The following GPR137B variants were observed in gnomAD, a reference collection of about 807,000 sequenced individuals.
GPR137B encodes G protein-coupled receptor 137B.
GPR137B carries 42 observed loss-of-function variants against 42.5 expected under a neutral mutation model. The ratio of observed to expected loss-of-function variants is 0.99; its 90% CI spans 0.77 to 1.28. GPR137B has a LOEUF of 1.28. Among genes scored for constraint, GPR137B ranks in the 50% most tolerant of loss-of-function variants. The probability of loss-of-function intolerance (pLI) is 0.00; values close to 1 mark genes in which losing one functional copy is unlikely to be tolerated. For missense variants in GPR137B, 487 were observed against 493.9 expected, an observed-to-expected ratio of 0.99 and a Z score of 0.13; for synonymous variants, 218 against 209.7, an observed-to-expected ratio of 1.04 and a Z score of -0.34.
chr1:236,172,075 G>C (rs1191060080), intron 2 of GPR137B, among the ~76,000 whole-genome samples: 1 of 151,854 alleles, frequency 6.6e-6, no homozygotes, highest in Non-Finnish European at 1.5e-5. Flanking sequence ...GTTTAGGCCA[G>C]TGAAGTTGGA....
intron 1 of GPR137B, among the ~76,000 whole-genome samples, chr1:236,160,329 C>G (rs1197861630): frequency 2.0e-5 from 3 of 152,146 alleles, no homozygotes; most frequent in Non-Finnish European, 4.4e-5. Flanking sequence ...TACCACCATT[C>G]AGTTCCTGAT....
rs554841985 is a variant in GPR137B, at chr1:236,203,179, G to A, written c.967-1947G>A. ...TGCAAGCTCCGCCTCCCAGGTTCAC[G>A]CCATTCTCCTGTCTCAGCCTCCCGA... On this transcript the variant is annotated intron_variant, in intron 5 of 6. Transcript: ENST00000366592. Among the ~76,000 whole-genome samples, 5 of 152,240 alleles carry A rather than the reference G, an allele frequency of 3.3e-5. No homozygotes were observed. In the East Asian group the frequency reaches 5.8e-4, roughly 18 times the overall value.
chr1:236,206,309 T>C (rs1329675177), intron 6 of GPR137B, among the ~76,000 whole-genome samples: 1 of 152,226 alleles, frequency 6.6e-6, no homozygotes, highest in Non-Finnish European at 1.5e-5. Context: ...AGCTAGCAAG[T>C]GATCAGGCTA....
Position 236,208,129 on chromosome 1 carries a change from T to C in GPR137B, c.1171T>C (p.Leu391=). 6.2e-7 allele frequency: 1 copy of C among 1,613,894 alleles called. No individual in the cohort carries two copies. Among genetic ancestry groups the C allele is most frequent in the Non-Finnish European group, 8.5e-7 (1 of 1,179,780 alleles). ...AQAGTLQDST[L]DPDKPSLG is the part of the protein sequence containing the mutation. ...AGCAGGAACTTTGCAAGACTCAACTTTGGATCCTGACAAACCAAGCCTTGG... is the reference window on the plus strand; with the variant it reads ...AGCAGGAACTTTGCAAGACTCAACTCTGGATCCTGACAAACCAAGCCTTGG... Residue 391 remains leucine (L), a synonymous_variant, in exon 7 of 7, where the codon TTG becomes CTG. Transcript: ENST00000366592.
At chr1:236,165,953 G>A (rs1662340838) in intron 1 of GPR137B, among the ~76,000 whole-genome samples, 1 of 152,200 alleles carries the variant, frequency 6.6e-6, no homozygotes, top group African/African-American at 2.4e-5. Context: ...ATTTATGTAT[G>A]GTGGCCAGGA....
chr1:236,157,332 T>C, intron 1 of GPR137B, among the ~76,000 whole-genome samples: 1 of 152,046 alleles, frequency 6.6e-6, no homozygotes, highest in East Asian at 1.9e-4. Flanking sequence ...CACGCCATTC[T>C]CCTGCCTCAG....
chr1:236,191,348 C>T (rs1050832495), intron 5 of GPR137B, among the ~76,000 whole-genome samples: 2 of 152,178 alleles, frequency 1.3e-5, no homozygotes, highest in Non-Finnish European at 2.9e-5. Context: ...TCTGTCAGTT[C>T]ATCAAACTCA....
At chr1:236,199,666 T>G (rs1663439049) in intron 5 of GPR137B, among the ~76,000 whole-genome samples, 1 of 150,882 alleles carries the variant, frequency 6.6e-6, no homozygotes. Context: ...GTAGTAACCT[T>G]GAATGATCTT....
rs574077766 is a variant in GPR137B, at chr1:236,199,749, T to C, written c.967-5377T>C. ...TTGAGCTTATTTGGATCTTCTGTCT[T>C]CTTGGTTAATCTCACTAATGGTCTA... On this transcript the variant is annotated intron_variant, in intron 5 of 6. Transcript: ENST00000366592. 2.0e-5 allele frequency among the ~76,000 whole-genome samples: 3 copies of C among 152,170 alleles called. No individual in the cohort carries two copies. In the East Asian group the frequency reaches 5.8e-4, roughly 29 times the overall value.
chr1:236,204,022 C>T (rs894243573), intron 5 of GPR137B, among the ~76,000 whole-genome samples: 1 of 152,142 alleles, frequency 6.6e-6, no homozygotes, highest in Non-Finnish European at 1.5e-5. Flanking sequence ...TAGTTTTCCC[C>T]TATTCAGTAT....
At chr1:236,167,796 C>T (rs1662404301) in intron 1 of GPR137B, among the ~76,000 whole-genome samples, 1 of 152,188 alleles carries the variant, frequency 6.6e-6, no homozygotes, top group Non-Finnish European at 1.5e-5. Context: ...CCAGCACGTG[C>T]TGTAGCAGTA....
intron 5 of GPR137B, among the ~76,000 whole-genome samples, chr1:236,191,198 TTATA>T (rs1663182239): frequency 6.6e-6 from 1 of 152,170 alleles, no homozygotes; most frequent in African/African-American, 2.4e-5. Flanking sequence ...ATCAGGTCAT[TTATA>T]TTCTCCTCTA....
chr1:236,207,123 C>G, intron 6 of GPR137B: 3 of 984,610 alleles, frequency 3.0e-6, no homozygotes, highest in Non-Finnish European at 3.6e-6. Context: ...GAAAAGAGTC[C>G]TTGTTTTAGG....
At chr1:236,147,517 C>T (rs747350078) in intron 1 of GPR137B, among the ~76,000 whole-genome samples, 6 of 152,238 alleles carry the variant, frequency 3.9e-5, no homozygotes, top group Non-Finnish European at 7.3e-5. Flanking sequence ...CACTTGGCCA[C>T]ATGGGTGACA....
In GPR137B at chr1:236,201,753, C is replaced by T. The variant is rs1036789759; in HGVS notation, c.967-3373C>T. Among the ~76,000 whole-genome samples, 6 of 152,164 alleles carry T rather than the reference C, an allele frequency of 3.9e-5. No homozygotes were observed. In the East Asian group the frequency reaches 1.2e-3, roughly 29 times the overall value. ...ATAATCAACCTTCTTAATTATTTAT[C>T]TGGCAATTCAGGTATTTCTTCTTGG... On this transcript the variant is annotated intron_variant, in intron 5 of 6. Transcript: ENST00000366592.
chr1:236,207,301 CA>C (rs1444181930), intron 6 of GPR137B: 1 of 984,396 alleles, frequency 1.0e-6, no homozygotes, highest in East Asian at 1.1e-4. Flanking sequence ...AGCAAGCCAA[CA>C]AACAAGAAGG....
Position 236,207,281 on chromosome 1 carries a change from G to C in GPR137B, c.1092-769G>C, listed in dbSNP as rs976161089. The C allele has an allele frequency of 1.6e-5, 16 of 985,126 alleles. No homozygotes were observed. In the African/African-American group the frequency reaches 2.8e-4, roughly 17 times the overall value. The allele number at this position is 985,126 out of a possible 1,614,324, so 61.0% of individuals were successfully genotyped here. On this transcript the variant is annotated intron_variant, in intron 6 of 6. Coordinates refer to ENST00000366592, the MANE Select transcript of GPR137B (RefSeq NM_003272.4). ...CGCTGAGCCAGCAGATGTAAAGAAC[G>C]TAAGCTGGAAGCAAGCCAACAAACA...
intron 1 of GPR137B, among the ~76,000 whole-genome samples, chr1:236,164,279 A>C (rs1455864171): frequency 5.3e-5 from 8 of 152,190 alleles, no homozygotes; most frequent in African/African-American, 1.9e-4. Context: ...GGATGATGTA[A>C]ATTTTCATCT....
rs148623172 is a variant in GPR137B, at chr1:236,143,032, C to T, written c.410C>T (p.Thr137Met). The T allele has an allele frequency of 6.2e-7, 1 of 1,608,978 alleles. No homozygotes were observed. Among genetic ancestry groups the T allele is most frequent in the Non-Finnish European group, 8.5e-7 (1 of 1,177,542 alleles). The change falls in exon 1 of 7, where the codon ACG (threonine) becomes ATG (methionine). Residue 137 changes from threonine to methionine, a missense_variant. Coordinates refer to ENST00000366592, the MANE Select transcript of GPR137B (RefSeq NM_003272.4). ...CTCACGCTGATGAACTTGTACTTCACGCAGGTGAGTTTCAGAGAGGCTCCT... is the reference window on the plus strand; with the variant it reads ...CTCACGCTGATGAACTTGTACTTCATGCAGGTGAGTTTCAGAGAGGCTCCT... ...FTLTLMNLYF[T>M]QVIFKAKSKY...
Sources: allele counts gnomAD v4.1 joint callset (sites outside exome capture counted in the v4.1 genomes callset), GRCh38; gene constraint gnomAD v4.1.1; transcripts MANE v1.5; gene names NCBI Gene and HGNC (gene_info 2026-07-23, HGNC 2026-07-21).